The following DOK6 variants were observed in gnomAD, a reference collection of about 807,000 sequenced individuals.
DOK6 encodes downstream of tyrosine kinase 6.
Under a neutral mutation model 44.0 loss-of-function variants are expected in DOK6, and 22 were observed. The observed-to-expected ratio is 0.50, with a 90% CI of 0.36 to 0.71. The LOEUF (loss-of-function observed/expected upper bound fraction) is 0.71, where lower values mean the gene tolerates loss of function less well. DOK6 is among the 30% of genes least tolerant of loss of function. The probability of loss-of-function intolerance (pLI) is 0.00; values close to 1 mark genes in which losing one functional copy is unlikely to be tolerated. For missense variants in DOK6, 340 were observed against 416.4 expected (o/e 0.82, Z 1.60); for synonymous variants, 166 against 145.5 (o/e 1.14, Z -1.01).
At chr18:69,559,052 A>C (rs1982761879) in intron 1 of DOK6, among the ~76,000 whole-genome samples, 1 of 152,152 alleles carries the variant, frequency 6.6e-6, no homozygotes, top group South Asian at 2.1e-4. Flanking sequence ...TTTAAAAATC[A>C]GTCTTATCTC....
In DOK6 at chr18:69,459,028, G is replaced by A. The variant is rs951083770; in HGVS notation, c.66+57718G>A. 8.8e-5 allele frequency among the ~76,000 whole-genome samples: 13 copies of A among 148,562 alleles called. No homozygotes were observed. In the Admixed American group the frequency reaches 9.0e-4, roughly 10 times the overall value. On this transcript the variant is annotated intron_variant, in intron 1 of 7. Coordinates refer to ENST00000382713, the MANE Select transcript of DOK6 (RefSeq NM_152721.6). ...GGAGAATTGCTTGAACCTGGCAGATGGAGGTTGCAGTGAGCTGACATCACG... is the reference window on the plus strand; with the variant it reads ...GGAGAATTGCTTGAACCTGGCAGATAGAGGTTGCAGTGAGCTGACATCACG...
chr18:69,643,964 T>C (rs529524918), intron 3 of DOK6, among the ~76,000 whole-genome samples: 3 of 152,298 alleles, frequency 2.0e-5, no homozygotes, highest in African/African-American at 7.2e-5. Flanking sequence ...CGTAGTGACA[T>C]TTCATTTTTG....
intron 5 of DOK6, among the ~76,000 whole-genome samples, chr18:69,728,230 T>C (rs1254608727): frequency 6.6e-6 from 1 of 152,206 alleles, no homozygotes; most frequent in African/African-American, 2.4e-5. Context: ...CTCACCTATC[T>C]AGAGACCAAT....
At chr18:69,753,612 T>G (rs544354017) in intron 6 of DOK6, among the ~76,000 whole-genome samples, 15 of 152,084 alleles carry the variant, frequency 9.9e-5, no homozygotes, top group African/African-American at 3.6e-4. Flanking sequence ...GAAGAGAGAG[T>G]TAGAACCAAA....
chr18:69,718,885 A>T (rs1007033998), intron 5 of DOK6, among the ~76,000 whole-genome samples: 1 of 152,162 alleles, frequency 6.6e-6, no homozygotes, highest in Admixed American at 6.6e-5. Context: ...AGTATACTAG[A>T]TTCTAACAAA....
chr18:69,443,582 G>C (rs1979195278), intron 1 of DOK6, among the ~76,000 whole-genome samples: 1 of 152,086 alleles, frequency 6.6e-6, no homozygotes, highest in Admixed American at 6.6e-5. Context: ...TCCAAATTCT[G>C]TTTTCTGATA....
intron 1 of DOK6, among the ~76,000 whole-genome samples, chr18:69,549,278 A>T (rs1982498237): frequency 6.6e-6 from 1 of 151,474 alleles, no homozygotes; most frequent in African/African-American, 2.4e-5. Flanking sequence ...GTGGAATATC[A>T]TTATTGTAGC....
chr18:69,653,185 C>T (rs1410336028), intron 3 of DOK6, among the ~76,000 whole-genome samples: 1 of 151,950 alleles, frequency 6.6e-6, no homozygotes, highest in Admixed American at 6.6e-5. Flanking sequence ...CCTTTAAGAC[C>T]ATCTATACCT....
chr18:69,648,632 T>C (rs1309389560), intron 3 of DOK6, among the ~76,000 whole-genome samples: 1 of 152,186 alleles, frequency 6.6e-6, no homozygotes, highest in Non-Finnish European at 1.5e-5. Flanking sequence ...GTGTACTAAA[T>C]ATCGTCTGTT....
intron 1 of DOK6, among the ~76,000 whole-genome samples, chr18:69,491,882 C>CT (rs1375974725): frequency 1.3e-5 from 2 of 152,164 alleles, no homozygotes; most frequent in African/African-American, 4.8e-5. Flanking sequence ...TATAAATCAA[C>CT]TTTTTTGCCA....
chr18:69,452,127 G>T (rs1346245120), intron 1 of DOK6, among the ~76,000 whole-genome samples: 2 of 151,992 alleles, frequency 1.3e-5, no homozygotes, highest in African/African-American at 4.8e-5. Context: ...TCCAGGAGCT[G>T]GTTTTTGGAA....
At chr18:69,626,961 A>G (rs1176455926) in intron 3 of DOK6, among the ~76,000 whole-genome samples, 1 of 150,830 alleles carries the variant, frequency 6.6e-6, no homozygotes, top group African/African-American at 2.5e-5. Flanking sequence ...AGGACTGGTG[A>G]GAGGGGTCAG....
chr18:69,568,504 C>A (rs1489213237), intron 2 of DOK6, among the ~76,000 whole-genome samples: 10 of 152,200 alleles, frequency 6.6e-5, no homozygotes, highest in Non-Finnish European at 1.5e-5. Flanking sequence ...CTCCCTTTCT[C>A]TGGGTGCAGC....
intron 1 of DOK6, among the ~76,000 whole-genome samples, chr18:69,493,172 A>G (rs78222557): frequency 0.048 from 7,237 of 152,252 alleles, 301 homozygotes; most frequent in East Asian, 0.18. Flanking sequence ...ATTCATATTC[A>G]TCTTTGAGTA....
chr18:69,554,997 A>G (rs1982652673), intron 1 of DOK6, among the ~76,000 whole-genome samples: 1 of 152,058 alleles, frequency 6.6e-6, no homozygotes, highest in South Asian at 2.1e-4. Flanking sequence ...CTTTTGGATT[A>G]TTTACATATT....
chr18:69,467,774 G>C (rs11151508), intron 1 of DOK6, among the ~76,000 whole-genome samples: 30,382 of 151,964 alleles, frequency 0.2, 3,430 homozygotes, highest in Non-Finnish European at 0.23. Context: ...GTGTAAATAC[G>C]CAGTTTCCTG....
At chr18:69,702,894 A>C (rs544642272) in intron 5 of DOK6, among the ~76,000 whole-genome samples, 1 of 152,366 alleles carries the variant, frequency 6.6e-6, no homozygotes, top group Admixed American at 6.5e-5. Flanking sequence ...TGATTACTAC[A>C]GACCAATTAG....
At chr18:69,802,595 G>A (rs1011027752) in intron 7 of DOK6, among the ~76,000 whole-genome samples, 2 of 152,160 alleles carry the variant, frequency 1.3e-5, no homozygotes, top group African/African-American at 4.8e-5. Flanking sequence ...CTTCATGAGT[G>A]TCCTAGTGCT....
chr18:69,440,865 A>G (rs182385855), intron 1 of DOK6, among the ~76,000 whole-genome samples: 1 of 152,218 alleles, frequency 6.6e-6, no homozygotes, highest in East Asian at 1.9e-4. Flanking sequence ...GAGAAAAACA[A>G]CTTGACATTG....
Sources: gnomAD v4.1 joint callset for allele counts (sites outside exome capture counted in the v4.1 genomes callset) on GRCh38, gnomAD v4.1.1 for gene constraint, MANE v1.5 for transcripts, NCBI Gene and HGNC (gene_info 2026-07-23, HGNC 2026-07-21) for gene names.